Variants in SLC35F4 observed in about 807,000 individuals in gnomAD.
SLC35F4 encodes the protein chromosome 14 open reading frame 36.
SLC35F4 carries 24 observed loss-of-function variants against 44.2 expected under a neutral mutation model. The observed-to-expected ratio is 0.54, with a 90% CI of 0.39 to 0.76. The LOEUF (loss-of-function observed/expected upper bound fraction) is 0.76. SLC35F4 is among the 30% of genes least tolerant of loss of function. The pLI is 0.00. For missense variants in SLC35F4, 562 were observed against 586.1 expected (o/e 0.96, Z 0.42); for synonymous variants, 238 against 223.6 (o/e 1.06, Z -0.57).
chr14:57,730,291 A>G (rs1175884986), intron 1 of SLC35F4, among the ~76,000 whole-genome samples: 1 of 152,132 alleles, frequency 6.6e-6, no homozygotes, highest in African/African-American at 2.4e-5. Flanking sequence ...CTATTCCACC[A>G]TCTTTCTCCA....
chr14:57,865,892 G>T lies in SLC35F4; in HGVS notation c.-67C>A. 1 of 1,181,276 alleles carries T rather than the reference G, an allele frequency of 8.5e-7. No homozygotes were observed. The highest frequency in any genetic ancestry group is 1.2e-6 in the Non-Finnish European group (1 of 868,502). 73.2% of individuals were successfully genotyped at this position (1,181,276 alleles called of 1,614,324 possible). On this transcript the variant is annotated 5_prime_UTR_variant, in exon 1 of 8. Transcript: ENST00000556826. ...AGCGCAGCGCGGGGCCCGGGAGCTGGTGCAGGTGCCGGAGCCGCTGGTGCT... is the reference window on the plus strand; with the variant it reads ...AGCGCAGCGCGGGGCCCGGGAGCTGTTGCAGGTGCCGGAGCCGCTGGTGCT...
chr14:57,603,306 A>T (rs2070942034), intron 1 of SLC35F4, among the ~76,000 whole-genome samples: 1 of 152,186 alleles, frequency 6.6e-6, no homozygotes, highest in African/African-American at 2.4e-5. Flanking sequence ...TTTAAAAAAA[A>T]TCTCAGCCCA....
At chr14:57,769,908 G>A (rs979363269) in intron 1 of SLC35F4, among the ~76,000 whole-genome samples, 2 of 151,906 alleles carry the variant, frequency 1.3e-5, no homozygotes, top group Non-Finnish European at 2.9e-5. Flanking sequence ...AGCATTTTTT[G>A]AAAAAGAGTG....
At chr14:57,638,163 G>A (rs1351261291) in intron 1 of SLC35F4, among the ~76,000 whole-genome samples, 2 of 152,070 alleles carry the variant, frequency 1.3e-5, no homozygotes, top group South Asian at 2.1e-4. Flanking sequence ...TCATCCACTA[G>A]CAGACTCTGA....
At chr14:57,910,662 A>G (rs1294953181) in intron 1 of SLC35F4, among the ~76,000 whole-genome samples, 2 of 152,050 alleles carry the variant, frequency 1.3e-5, no homozygotes, top group Non-Finnish European at 2.9e-5. Context: ...TTTGCCAAAT[A>G]CACACTGTTT....
chr14:57,564,002 T>A lies in SLC35F4; in HGVS notation c.*133A>T. The A allele has an allele frequency of 2.0e-6, 2 of 978,274 alleles. No individual in the cohort carries two copies. Among genetic ancestry groups the A allele is most frequent in the Non-Finnish European group, 1.5e-6 (1 of 681,910 alleles). 60.6% of individuals were successfully genotyped at this position (978,274 alleles called of 1,614,324 possible). ...TGATAAGCATATAAATGTAAACTTT[T>A]ATTGTTGGCATTATTTCACATATGA... On this transcript the variant is annotated 3_prime_UTR_variant, in exon 8 of 8. Transcript: ENST00000556826.
intron 1 of SLC35F4, among the ~76,000 whole-genome samples, chr14:57,768,802 G>C (rs976730340): frequency 6.6e-6 from 1 of 151,718 alleles, no homozygotes; most frequent in Non-Finnish European, 1.5e-5. Context: ...GCCCAGGCTA[G>C]AGCGCAGTAG....
intron 1 of SLC35F4, among the ~76,000 whole-genome samples, chr14:57,666,812 T>C (rs561770462): frequency 2.0e-5 from 3 of 152,212 alleles, no homozygotes; most frequent in African/African-American, 7.2e-5. Flanking sequence ...TTAGTAAGCA[T>C]TGTGGGGACC....
intron 1 of SLC35F4, among the ~76,000 whole-genome samples, chr14:57,836,241 G>T (rs1361257579): frequency 6.6e-6 from 1 of 151,972 alleles, no homozygotes; most frequent in Non-Finnish European, 1.5e-5. Context: ...CTCACTTATT[G>T]TTCCATATTA....
intron 1 of SLC35F4, among the ~76,000 whole-genome samples, chr14:57,776,078 A>G (rs1322305399): frequency 6.6e-6 from 1 of 152,232 alleles, no homozygotes; most frequent in Non-Finnish European, 1.5e-5. Context: ...GTTTTCTGAA[A>G]TAAGACAGAA....
At chr14:57,938,173 G>A (rs1889850454) in intron 1 of SLC35F4, among the ~76,000 whole-genome samples, 1 of 152,076 alleles carries the variant, frequency 6.6e-6, no homozygotes, top group African/African-American at 2.4e-5. Context: ...ATATATCCTA[G>A]GACATAGGCA....
intron 1 of SLC35F4, among the ~76,000 whole-genome samples, chr14:57,743,724 A>G (rs1050982885): frequency 1.3e-5 from 2 of 152,232 alleles, no homozygotes; most frequent in Non-Finnish European, 2.9e-5. Context: ...AACTCATTTT[A>G]TGAGGCCAGC....
chr14:57,874,611 C>T (rs1389763145), intron 1 of SLC35F4, among the ~76,000 whole-genome samples: 1 of 152,154 alleles, frequency 6.6e-6, no homozygotes, highest in Non-Finnish European at 1.5e-5. Context: ...TCTGGAAGCC[C>T]TTCTCACTCT....
At chr14:57,693,436 A>G (rs2075290877) in intron 1 of SLC35F4, among the ~76,000 whole-genome samples, 1 of 152,202 alleles carries the variant, frequency 6.6e-6, no homozygotes, top group South Asian at 2.1e-4. Flanking sequence ...CACCTGGCCC[A>G]CCCAGGGCAG....
chr14:57,709,022 G>A (rs1249230805), intron 1 of SLC35F4, among the ~76,000 whole-genome samples: 1 of 152,162 alleles, frequency 6.6e-6, no homozygotes, highest in Non-Finnish European at 1.5e-5. Flanking sequence ...TGTATAGGAT[G>A]GAACATGAAA....
intron 1 of SLC35F4, among the ~76,000 whole-genome samples, chr14:57,661,789 A>G (rs189312383): frequency 2.0e-5 from 3 of 152,294 alleles, no homozygotes; most frequent in African/African-American, 7.2e-5. Context: ...GCTTGGCCCC[A>G]CTTCCAAAGT....
intron 1 of SLC35F4, among the ~76,000 whole-genome samples, chr14:57,704,811 A>T (rs1324352159): frequency 6.6e-6 from 1 of 152,180 alleles, no homozygotes; most frequent in African/African-American, 2.4e-5. Flanking sequence ...TGTTATGTGC[A>T]TGAGAGAGCC....
chr14:57,639,510 C>T (rs1285192040), intron 1 of SLC35F4, among the ~76,000 whole-genome samples: 1 of 151,922 alleles, frequency 6.6e-6, no homozygotes, highest in African/African-American at 2.4e-5. Context: ...AACACAAGAG[C>T]CATGGGCTCT....
intron 1 of SLC35F4, among the ~76,000 whole-genome samples, chr14:57,670,864 T>C (rs946669006): frequency 2.0e-5 from 3 of 151,494 alleles, no homozygotes; most frequent in Non-Finnish European, 4.4e-5. Context: ...CCACAGAAGC[T>C]ATAGAGGACA....
Sources: gnomAD v4.1 joint callset for allele counts (sites outside exome capture counted in the v4.1 genomes callset) on GRCh38, gnomAD v4.1.1 for gene constraint, MANE v1.5 for transcripts, NCBI Gene and HGNC (gene_info 2026-07-23, HGNC 2026-07-21) for gene names.